GPHN: variants seen among roughly 807,000 people sequenced by gnomAD.
The protein encoded by GPHN is gephyrin.
GPHN carries 17 observed loss-of-function variants against 95.5 expected under a neutral mutation model. That is an observed-to-expected ratio of 0.18 (90% CI 0.12 to 0.27). GPHN has a LOEUF of 0.27. GPHN is among the 10% of genes least tolerant of loss of function. The pLI is 1.00. For missense variants in GPHN, 660 were observed against 978.1 expected (o/e 0.67, Z 4.34); for synonymous variants, 320 against 322.5 (o/e 0.99, Z 0.08).
At chr14:67,602,859 G>A in the GPHN span, among the ~76,000 whole-genome samples, 4 of 152,142 alleles carry the variant, frequency 2.6e-5, no homozygotes, top group Non-Finnish European at 5.9e-5. Flanking sequence ...TGTCAATAAA[G>A]AGAAACATAT....
intron 1 of GPHN, among the ~76,000 whole-genome samples, chr14:66,565,344 C>T (rs1029769439): frequency 4.6e-5 from 7 of 151,828 alleles, no homozygotes; most frequent in Non-Finnish European, 8.8e-5. Flanking sequence ...TTGCCCAGGC[C>T]GCAGCAGTGT....
chr14:66,880,127 T>C, intron 5 of GPHN, 94 bp downstream of exon 5: 1 of 778,384 alleles, frequency 1.3e-6, no homozygotes, highest in Admixed American at 1.9e-5. Context: ...GTTGTGAATA[T>C]TAAATGAGCT....
the GPHN span, chr14:67,380,561 A>G: frequency 3.3e-5 from 18 of 537,542 alleles, no homozygotes. Context: ...TAACTATTAT[A>G]TGCTTAACTA....
rs1472496693 is a variant in GPHN, at chr14:67,181,348, G to A, written c.*411G>A. 2.3e-6 allele frequency: 1 copy of A among 433,208 alleles called. No homozygotes were observed. The highest frequency in any genetic ancestry group is 4.4e-6 in the Non-Finnish European group (1 of 229,364). 26.8% of individuals were successfully genotyped at this position (433,208 alleles called of 1,614,324 possible). ...GGCAACACTTGGATTTCCCTTCTTA[G>A]TATGCTTCATAACTGCTTTACAGAG... On this transcript the variant is annotated 3_prime_UTR_variant, in exon 23 of 23. Transcript: ENST00000478722.
intron 8 of GPHN, among the ~76,000 whole-genome samples, chr14:66,948,282 A>G (rs569196532): frequency 6.6e-6 from 1 of 152,242 alleles, no homozygotes; most frequent in African/African-American, 2.4e-5. Context: ...GTAAGTATAA[A>G]TATTCCTTGT....
At chr14:66,793,067 G>C (rs950479074) in intron 3 of GPHN, among the ~76,000 whole-genome samples, 1 of 152,230 alleles carries the variant, frequency 6.6e-6, no homozygotes, top group African/African-American at 2.4e-5. Context: ...CCTCATTCCC[G>C]TAAACCCACA....
At chr14:67,662,085 G>A in the GPHN span, among the ~76,000 whole-genome samples, 1 of 152,040 alleles carries the variant, frequency 6.6e-6, no homozygotes, top group East Asian at 1.9e-4. Flanking sequence ...GAACCCGGGA[G>A]GTGGAGCTTG....
the GPHN span, chr14:67,571,978 G>C: frequency 6.5e-7 from 1 of 1,529,576 alleles, no homozygotes; most frequent in Non-Finnish European, 8.9e-7. Flanking sequence ...CTTGAACATG[G>C]GCGTCCCCAC....
At chr14:67,572,239 A>C in the GPHN span, 1 of 1,607,438 alleles carries the variant, frequency 6.2e-7, no homozygotes, top group Non-Finnish European at 8.5e-7. Context: ...ACTGCAGCGC[A>C]CCTCATCCTA....
intron 4 of GPHN, among the ~76,000 whole-genome samples, chr14:66,854,692 A>G (rs1190474855): frequency 8.5e-5 from 13 of 152,178 alleles, no homozygotes; most frequent in Admixed American, 8.5e-4. Flanking sequence ...TTTCCATGCT[A>G]TATCATCTTT....
chr14:66,572,784 AT>A (rs1185075768), intron 1 of GPHN, among the ~76,000 whole-genome samples: 3 of 152,150 alleles, frequency 2.0e-5, no homozygotes, highest in African/African-American at 7.2e-5. Flanking sequence ...AAAGACTTCC[AT>A]TAACTACGTT....
rs187834228 is a variant in GPHN at position 66,880,103 on chromosome 14, T to A, written c.389+70T>A. 6.3e-6 allele frequency: 6 copies of A among 954,294 alleles called. No individual in the cohort carries two copies. The Admixed American group carries it at 8.8e-5, about 14-fold the overall frequency. 59.1% of individuals were successfully genotyped at this position (954,294 alleles called of 1,614,324 possible). On this transcript the variant is annotated intron_variant, in intron 5 of 22. Transcript: ENST00000478722. ...TGTTTCCGTGATATTAAAAAAAATC[T>A]ACACTTTGGCATTGTTGTGAATATT...
chr14:67,184,360 G>T (rs1224934904), downstream of GPHN, among the ~76,000 whole-genome samples: 1 of 152,288 alleles, frequency 6.6e-6, no homozygotes, highest in African/African-American at 2.4e-5. Flanking sequence ...AAACGCTTTG[G>T]CAGCCTTGAG....
intron 8 of GPHN, among the ~76,000 whole-genome samples, chr14:66,960,008 C>A (rs1381345739): frequency 6.6e-6 from 1 of 151,886 alleles, no homozygotes; most frequent in Admixed American, 6.6e-5. Flanking sequence ...CAGCTCACAT[C>A]TGCTGTTGAG....
chr14:66,791,443 A>G (rs900386022), intron 3 of GPHN, among the ~76,000 whole-genome samples: 8 of 152,260 alleles, frequency 5.3e-5, no homozygotes, highest in African/African-American at 1.4e-4. Context: ...GAGCAGCAGC[A>G]TGAGCTGCTG....
the GPHN span, among the ~76,000 whole-genome samples, chr14:67,640,539 G>C: frequency 6.6e-6 from 1 of 152,236 alleles, no homozygotes; most frequent in Middle Eastern, 3.4e-3. Flanking sequence ...AAGAGGTAGA[G>C]CTCAAAATTA....
the GPHN span, chr14:67,359,835 A>G: frequency 2.1e-6 from 2 of 934,680 alleles, no homozygotes; most frequent in Non-Finnish European, 3.3e-6. Flanking sequence ...GCTAAGAGGC[A>G]GCAGGGACAC....
At chr14:67,495,243 G>A in the GPHN span, among the ~76,000 whole-genome samples, 2 of 152,032 alleles carry the variant, frequency 1.3e-5, no homozygotes, top group Non-Finnish European at 2.9e-5. Context: ...ATCCCTCCTG[G>A]AAACATTTCC....
At chr14:67,450,406 C>G in the GPHN span, among the ~76,000 whole-genome samples, 5 of 152,196 alleles carry the variant, frequency 3.3e-5, no homozygotes, top group South Asian at 8.3e-4. Flanking sequence ...CAGAAGAAGA[C>G]AGAAAAATGA....
Sources: gnomAD v4.1 joint callset for allele counts (sites outside exome capture counted in the v4.1 genomes callset) on GRCh38, gnomAD v4.1.1 for gene constraint, MANE v1.5 for transcripts, NCBI Gene and HGNC (gene_info 2026-07-23, HGNC 2026-07-21) for gene names.